PCCA: variants seen among roughly 807,000 people sequenced by gnomAD.
The protein encoded by PCCA is propionyl-CoA carboxylase subunit alpha.
PCCA carries 74 observed loss-of-function variants against 101.3 expected under a neutral mutation model. The observed-to-expected ratio is 0.73, with a 90% confidence interval of 0.61 to 0.89. The LOEUF is 0.89. PCCA is among the 40% of genes least tolerant of loss of function. The probability of loss-of-function intolerance (pLI) is 0.00; values close to 1 mark genes in which losing one functional copy is unlikely to be tolerated. For missense variants in PCCA, 891 were observed against 907.0 expected (o/e 0.98, Z 0.23); for synonymous variants, 294 against 313.6 (o/e 0.94, Z 0.66).
Position 100,514,157 on chromosome 13 carries a change from A to C in PCCA, c.1900-1270A>C, listed in dbSNP as rs1229900699. On this transcript the variant is annotated intron_variant, in intron 21 of 23. Coordinates refer to ENST00000376285, the MANE Select transcript of PCCA (RefSeq NM_000282.4). ...ATTTCACTTAAGGAACATATCCTTCAGAAACTGGCAGACGCTTCTATGTCT... is the reference window on the plus strand; with the variant it reads ...ATTTCACTTAAGGAACATATCCTTCCGAAACTGGCAGACGCTTCTATGTCT... 3.9e-5 allele frequency among the ~76,000 whole-genome samples: 6 copies of C among 152,238 alleles called. No individual in the cohort carries two copies. In the East Asian group the frequency reaches 1.2e-3, roughly 29 times the overall value.
intron 2 of PCCA, among the ~76,000 whole-genome samples, chr13:100,108,030 G>A (rs950981556): frequency 6.6e-6 from 1 of 152,194 alleles, no homozygotes; most frequent in African/African-American, 2.4e-5. Flanking sequence ...GTGACCCAGT[G>A]TCCAGAGTTC....
At chr13:100,114,348 G>A (rs1446676303) in intron 4 of PCCA, among the ~76,000 whole-genome samples, 4 of 152,038 alleles carry the variant, frequency 2.6e-5, no homozygotes, top group East Asian at 1.9e-4. Flanking sequence ...GAGGCCAAGC[G>A]GGCAGATCAC....
rs1242116109 is a variant in PCCA, at chr13:100,223,747, G to A, written c.601-12095G>A. 3.9e-5 allele frequency among the ~76,000 whole-genome samples: 6 copies of A among 152,182 alleles called. 1 individual carries two copies. The East Asian group carries it at 1.2e-3, about 29-fold the overall frequency. On this transcript the variant is annotated intron_variant, in intron 7 of 23. Transcript: ENST00000376285. ...GTTTTGACAGGGCACTGATTGGTGC[G>A]TTTATAATCCCTGAGCTAGACACAA...
chr13:100,362,774 C>A (rs967878671), intron 18 of PCCA, among the ~76,000 whole-genome samples: 20 of 152,290 alleles, frequency 1.3e-4, no homozygotes, highest in African/African-American at 4.3e-4. Context: ...TAACACCAAA[C>A]TTGGGGGTGT....
chr13:100,517,152 A>G (rs1448166652), intron 22 of PCCA, among the ~76,000 whole-genome samples: 1 of 138,828 alleles, frequency 7.2e-6, no homozygotes, highest in Non-Finnish European at 1.6e-5. Flanking sequence ...GAGTGGAGGG[A>G]GGGCGGGCAG....
At chr13:100,118,606 G>T (rs1225200963) in intron 4 of PCCA, among the ~76,000 whole-genome samples, 1 of 152,016 alleles carries the variant, frequency 6.6e-6, no homozygotes, top group Non-Finnish European at 1.5e-5. Context: ...CTGGAGTGCA[G>T]TGGTGAGATT....
chr13:100,102,986 C>T (rs1283702519), intron 2 of PCCA, 26 bp downstream of exon 2: 2 of 1,404,698 alleles, frequency 1.4e-6, no homozygotes, highest in Admixed American at 3.3e-5. Context: ...ATATTCTCAA[C>T]AACTAAATTA....
intron 6 of PCCA, among the ~76,000 whole-genome samples, chr13:100,177,054 C>T (rs2056307334): frequency 6.6e-6 from 1 of 152,180 alleles, no homozygotes; most frequent in Non-Finnish European, 1.5e-5. Flanking sequence ...CATCTACATG[C>T]GTCCTATCAC....
intron 4 of PCCA, among the ~76,000 whole-genome samples, chr13:100,124,625 G>A (rs2049771537): frequency 6.6e-6 from 1 of 152,158 alleles, no homozygotes. Flanking sequence ...ATAGGACTTG[G>A]TGATGTCTAA....
chr13:100,506,540 A>G (rs1369805278), intron 21 of PCCA, among the ~76,000 whole-genome samples: 3 of 152,176 alleles, frequency 2.0e-5, no homozygotes, highest in Non-Finnish European at 4.4e-5. Context: ...GCATTTAGGC[A>G]TTTTGAATTT....
chr13:100,393,024 C>T (rs1261049943), intron 19 of PCCA, among the ~76,000 whole-genome samples: 2 of 152,146 alleles, frequency 1.3e-5, no homozygotes, highest in Non-Finnish European at 2.9e-5. Flanking sequence ...TTACTAAGGT[C>T]TTCTGCCATG....
intron 19 of PCCA, among the ~76,000 whole-genome samples, chr13:100,409,339 T>C (rs1048238839): frequency 6.6e-6 from 1 of 152,140 alleles, no homozygotes; most frequent in African/African-American, 2.4e-5. Flanking sequence ...GACTTTTCCT[T>C]AGTTCGGCTA....
At chr13:100,400,500 G>A (rs2077272210) in intron 19 of PCCA, among the ~76,000 whole-genome samples, 1 of 152,018 alleles carries the variant, frequency 6.6e-6, no homozygotes, top group African/African-American at 2.4e-5. Flanking sequence ...CTCTTGGGTT[G>A]GGAATTATAG....
chr13:100,479,126 G>A (rs1406188935), intron 21 of PCCA, among the ~76,000 whole-genome samples: 1 of 152,150 alleles, frequency 6.6e-6, no homozygotes, highest in Non-Finnish European at 1.5e-5. Flanking sequence ...TTTAGGTAAA[G>A]CCCTTTATAT....
chr13:100,507,190 AT>A (rs2086147746), intron 21 of PCCA, among the ~76,000 whole-genome samples: 1 of 152,206 alleles, frequency 6.6e-6, no homozygotes, highest in Admixed American at 6.5e-5. Flanking sequence ...CACATGTTCT[AT>A]TTTGTGCATT....
intron 21 of PCCA, among the ~76,000 whole-genome samples, chr13:100,481,606 G>A (rs1050365850): frequency 2.0e-5 from 3 of 152,054 alleles, no homozygotes; most frequent in Non-Finnish European, 2.9e-5. Context: ...CAGTAGATCT[G>A]GTAACTGAGA....
intron 19 of PCCA, among the ~76,000 whole-genome samples, chr13:100,422,114 C>CT (rs1419767156): frequency 5.7e-5 from 6 of 105,006 alleles, no homozygotes; most frequent in African/African-American, 1.9e-4. Flanking sequence ...TTCTTTCTTT[C>CT]TTTCTTTTCT....
intron 20 of PCCA, among the ~76,000 whole-genome samples, chr13:100,439,133 C>T (rs975937079): frequency 3.3e-5 from 5 of 152,192 alleles, no homozygotes; most frequent in Non-Finnish European, 7.4e-5. Context: ...AGACCACTCA[C>T]AGGCAAAATT....
At chr13:100,510,204 A>C (rs1594077023) in intron 21 of PCCA, among the ~76,000 whole-genome samples, 1 of 152,264 alleles carries the variant, frequency 6.6e-6, no homozygotes. Flanking sequence ...TTTCAAAGGA[A>C]CCTCATCTCC....
Sources: gnomAD v4.1 joint callset for allele counts (sites outside exome capture counted in the v4.1 genomes callset) on GRCh38, gnomAD v4.1.1 for gene constraint, MANE v1.5 for transcripts, NCBI Gene and HGNC (gene_info 2026-07-23, HGNC 2026-07-21) for gene names.